TLL1: variants seen among roughly 807,000 people sequenced by gnomAD.
The protein encoded by TLL1 is tolloid like 1.
Under a neutral mutation model 128.2 loss-of-function variants are expected in TLL1, and 49 were observed. That is an observed-to-expected ratio of 0.38 (90% confidence interval 0.30 to 0.48). The LOEUF is 0.48. Ranked by LOEUF, TLL1 falls within the 20% of genes least tolerant of loss-of-function variation. The pLI is 0.96. For missense variants in TLL1, 1,123 were observed against 1,242.0 expected (o/e 0.90, Z 1.44); for synonymous variants, 454 against 418.8 (o/e 1.08, Z -1.03).
At chr4:166,098,223 T>C (rs1311307029) in intron 19 of TLL1, among the ~76,000 whole-genome samples, 2 of 151,156 alleles carry the variant, frequency 1.3e-5, no homozygotes, top group Non-Finnish European at 2.9e-5. Context: ...TAGTGCCAGT[T>C]ACTTGGGAGG....
intron 1 of TLL1, among the ~76,000 whole-genome samples, chr4:165,968,651 T>C (rs1049327176): frequency 6.6e-6 from 1 of 152,184 alleles, no homozygotes; most frequent in Non-Finnish European, 1.5e-5. Context: ...TTTTACCACA[T>C]TCAATGGCCT....
At chr4:166,010,982 C>G (rs754724286) in intron 7 of TLL1, among the ~76,000 whole-genome samples, 5 of 151,044 alleles carry the variant, frequency 3.3e-5, no homozygotes, top group African/African-American at 2.4e-5. Flanking sequence ...TTTCTGTGCT[C>G]TCTCTTTTAT....
intron 1 of TLL1, among the ~76,000 whole-genome samples, chr4:165,921,345 G>C (rs558189823): frequency 1.3e-5 from 2 of 152,268 alleles, no homozygotes; most frequent in South Asian, 4.1e-4. Flanking sequence ...AAGAAACAAA[G>C]TAATTAATAT....
intron 1 of TLL1, among the ~76,000 whole-genome samples, chr4:165,988,351 T>G (rs1461139611): frequency 6.6e-6 from 1 of 152,134 alleles, no homozygotes; most frequent in Non-Finnish European, 1.5e-5. Flanking sequence ...TGCTCACTCC[T>G]GCAATCCCAG....
intron 18 of TLL1, among the ~76,000 whole-genome samples, chr4:166,090,098 A>G (rs996428625): frequency 6.6e-6 from 1 of 152,110 alleles, no homozygotes; most frequent in Non-Finnish European, 1.5e-5. Flanking sequence ...ATTAAAATTT[A>G]TGTGCCAATA....
intron 1 of TLL1, among the ~76,000 whole-genome samples, chr4:165,911,643 C>T (rs1293353202): frequency 6.6e-6 from 1 of 152,012 alleles, no homozygotes; most frequent in Non-Finnish European, 1.5e-5. Context: ...ATTTCTGAAC[C>T]CCCTTTTTTT....
chr4:165,989,593 A>G (rs1736542999), intron 2 of TLL1, 102 bp downstream of exon 2: 1 of 820,852 alleles, frequency 1.2e-6, no homozygotes, highest in African/African-American at 1.7e-5. Context: ...CTGTTGATCA[A>G]CTCTGACTTC....
At chr4:165,938,055 G>A (rs552848553) in intron 1 of TLL1, among the ~76,000 whole-genome samples, 27 of 151,660 alleles carry the variant, frequency 1.8e-4, no homozygotes, top group African/African-American at 6.3e-4. Flanking sequence ...TGGCATTACG[G>A]GTTGATACTT....
intron 9 of TLL1, among the ~76,000 whole-genome samples, chr4:166,038,490 G>GAAA (rs200845034): frequency 6.9e-6 from 1 of 145,446 alleles, no homozygotes. Flanking sequence ...TTTTGAATGT[G>GAAA]AAAAAAAAAA....
intron 1 of TLL1, among the ~76,000 whole-genome samples, chr4:165,881,192 A>C (rs1440972222): frequency 6.6e-6 from 1 of 152,232 alleles, no homozygotes; most frequent in African/African-American, 2.4e-5. Context: ...ATAATTAGGA[A>C]ACACCAAATG....
chr4:166,099,262 T>G lies in TLL1; in HGVS notation c.2657-15T>G. 6.2e-7 allele frequency: 1 copy of G among 1,613,444 alleles called. No homozygotes were observed. The highest frequency in any genetic ancestry group is 8.5e-7 in the Non-Finnish European group (1 of 1,179,544). ...CTCATTGACCTTACTCATCTTATTT[T>G]TCTTTCCTGGGCAGAGTGTGGCGGA... On this transcript the variant is annotated splice_polypyrimidine_tract_variant and intron_variant, in intron 19 of 20. Coordinates refer to ENST00000061240, the MANE Select transcript of TLL1 (RefSeq NM_012464.5).
intron 1 of TLL1, among the ~76,000 whole-genome samples, chr4:165,916,824 T>C (rs1286943531): frequency 2.0e-5 from 3 of 152,122 alleles, no homozygotes; most frequent in Admixed American, 6.6e-5. Flanking sequence ...ATTTTAGCAT[T>C]TGCCCAAGAA....
At chr4:166,041,520 C>T (rs1739240088) in intron 10 of TLL1, among the ~76,000 whole-genome samples, 1 of 151,890 alleles carries the variant, frequency 6.6e-6, no homozygotes, top group Non-Finnish European at 1.5e-5. Flanking sequence ...AAGATGGTCT[C>T]GATTTCTTGA....
At chr4:166,020,610 C>A (rs2111061426) in intron 8 of TLL1, among the ~76,000 whole-genome samples, 1 of 152,184 alleles carries the variant, frequency 6.6e-6, no homozygotes, top group East Asian at 1.9e-4. Context: ...GGATTACTTT[C>A]CCTTCTTATT....
rs768551626 is a variant in TLL1 at position 165,994,460 on chromosome 4, A to T, written c.441A>T (p.Arg147Ser). 6.2e-7 allele frequency: 1 copy of T among 1,613,938 alleles called. No individual in the cohort carries two copies. The highest frequency in any genetic ancestry group is 8.5e-7 in the Non-Finnish European group (1 of 1,179,966). ...SGQNEKNRVP[R>S]AATSRTERIW... ...AAAATGAGAAAAATCGAGTTCCCAG[A>T]GCCGCTACATCAAGAACGGAAAGAA... The change falls in exon 4 of 21, where the codon AGA (arginine) becomes AGT (serine). Residue 147 changes from arginine (R) to serine (S), a missense_variant. Around this residue, in one of 3 missense-constraint regions of TLL1, gnomAD observed 480 missense variants for 542.4 expected, o/e 0.89. Coordinates refer to ENST00000061240, the MANE Select transcript of TLL1 (RefSeq NM_012464.5).
At chr4:166,075,243 C>A (rs562125338) in intron 17 of TLL1, among the ~76,000 whole-genome samples, 5 of 152,282 alleles carry the variant, frequency 3.3e-5, no homozygotes, top group African/African-American at 1.2e-4. Context: ...TGCTAGGATA[C>A]CATCTGGTAG....
intron 1 of TLL1, among the ~76,000 whole-genome samples, chr4:165,911,840 T>C (rs1407110370): frequency 6.6e-6 from 1 of 152,146 alleles, no homozygotes; most frequent in Non-Finnish European, 1.5e-5. Flanking sequence ...TTCTTCGTGC[T>C]ACAGGAAAAA....
chr4:165,943,533 C>T (rs1734112317), intron 1 of TLL1, among the ~76,000 whole-genome samples: 1 of 151,968 alleles, frequency 6.6e-6, no homozygotes. Context: ...TGAAATAAAA[C>T]TGCTTATCTC....
At chr4:165,993,560 A>G (rs946098836) in intron 3 of TLL1, among the ~76,000 whole-genome samples, 5 of 152,108 alleles carry the variant, frequency 3.3e-5, no homozygotes, top group African/African-American at 9.7e-5. Context: ...GCTCCAGGCT[A>G]TTGAAAAGAC....
Sources: allele counts gnomAD v4.1 joint callset (sites outside exome capture counted in the v4.1 genomes callset), GRCh38; gene constraint gnomAD v4.1.1; regional missense constraint gnomAD v4.1.1; transcripts MANE v1.5; gene names NCBI Gene and HGNC (gene_info 2026-07-23, HGNC 2026-07-21).